Variants in CSTPP1 observed in about 807,000 individuals in gnomAD.
CSTPP1 encodes UPF0705 protein C11orf49.
the CSTPP1 span, among the ~76,000 whole-genome samples, chr11:47,163,299 C>T: frequency 1.3e-4 from 20 of 152,154 alleles, no homozygotes; most frequent in Admixed American, 6.5e-4. Context: ...AGCCTACTGA[C>T]GATGCAAATT....
chr11:47,083,349 A>G, the CSTPP1 span, among the ~76,000 whole-genome samples: 1 of 152,146 alleles, frequency 6.6e-6, no homozygotes, highest in Non-Finnish European at 1.5e-5. Context: ...CTATCCATTC[A>G]TCCATTGATA....
chr11:47,140,720 A>G, the CSTPP1 span, among the ~76,000 whole-genome samples: 3 of 149,260 alleles, frequency 2.0e-5, no homozygotes, highest in Non-Finnish European at 3.0e-5. Context: ...GATTACAGGC[A>G]TGAGCCACCA....
chr11:47,124,840 AG>A, the CSTPP1 span, among the ~76,000 whole-genome samples: 1 of 152,192 alleles, frequency 6.6e-6, no homozygotes, highest in African/African-American at 2.4e-5. Flanking sequence ...TCTCAGTGAA[AG>A]ATAAGGATCA....
the CSTPP1 span, among the ~76,000 whole-genome samples, chr11:46,958,901 TG>T: frequency 8.5e-5 from 13 of 152,160 alleles, no homozygotes; most frequent in Non-Finnish European, 1.5e-4. Flanking sequence ...GGGCCCTCAT[TG>T]GGTTAGATGG....
the CSTPP1 span, among the ~76,000 whole-genome samples, chr11:47,022,813 C>T: frequency 8.8e-4 from 134 of 152,236 alleles, no homozygotes; most frequent in African/African-American, 3.2e-3. Flanking sequence ...AGATAGTCCC[C>T]GAATGTGCCA....
chr11:47,000,686 T>C, the CSTPP1 span, among the ~76,000 whole-genome samples: 2 of 152,178 alleles, frequency 1.3e-5, no homozygotes, highest in African/African-American at 4.8e-5. Flanking sequence ...TGTGCCTGTG[T>C]GTACTATGCA....
At chr11:47,148,061 G>A in the CSTPP1 span, among the ~76,000 whole-genome samples, 1 of 152,154 alleles carries the variant, frequency 6.6e-6, no homozygotes, top group African/African-American at 2.4e-5. Flanking sequence ...CAAGGCCCTA[G>A]GCTAGAGGCA....
the CSTPP1 span, among the ~76,000 whole-genome samples, chr11:47,025,241 G>C: frequency 6.6e-6 from 1 of 152,116 alleles, no homozygotes; most frequent in Non-Finnish European, 1.5e-5. Flanking sequence ...TTTCTAAAAA[G>C]TGAGACCAAC....
chr11:47,106,586 T>G, the CSTPP1 span, among the ~76,000 whole-genome samples: 1 of 150,786 alleles, frequency 6.6e-6, no homozygotes, highest in Admixed American at 6.6e-5. Context: ...GAGGTTGCAG[T>G]GAGCCAAGAT....
At chr11:47,011,920 T>C in the CSTPP1 span, among the ~76,000 whole-genome samples, 1 of 152,106 alleles carries the variant, frequency 6.6e-6, no homozygotes, top group Non-Finnish European at 1.5e-5. Context: ...ACCCTAGACA[T>C]GTAATAAATA....
the CSTPP1 span, among the ~76,000 whole-genome samples, chr11:47,150,664 GCAGGGAGCATCATGGGTAGAAGGGA>G: frequency 2.4e-3 from 369 of 152,264 alleles, 1 homozygote; most frequent in African/African-American, 8.0e-3. Flanking sequence ...GGCATGGAGG[GCAGGGAGCATCATGGGTAGAAGGGA>G]CAGGGAGCAT....
At chr11:47,017,998 T>C in the CSTPP1 span, among the ~76,000 whole-genome samples, 2 of 152,302 alleles carry the variant, frequency 1.3e-5, no homozygotes, top group Admixed American at 1.3e-4. Flanking sequence ...TGAGATTAGC[T>C]TTTTTCACTC....
the CSTPP1 span, among the ~76,000 whole-genome samples, chr11:47,096,940 C>T: frequency 1.3e-5 from 2 of 152,242 alleles, no homozygotes; most frequent in African/African-American, 4.8e-5. Context: ...TTCAGATCCT[C>T]TGTCCACAAG....
the CSTPP1 span, among the ~76,000 whole-genome samples, chr11:47,009,376 G>A: frequency 6.6e-6 from 1 of 152,140 alleles, no homozygotes; most frequent in South Asian, 2.1e-4. Flanking sequence ...ATCATACACT[G>A]CAAGGGATCA....
chr11:47,074,560 G>A, the CSTPP1 span, among the ~76,000 whole-genome samples: 1 of 151,544 alleles, frequency 6.6e-6, no homozygotes, highest in Non-Finnish European at 1.5e-5. Flanking sequence ...GGGGAAGGGG[G>A]GAAATTTTCT....
chr11:47,106,199 T>C, the CSTPP1 span, among the ~76,000 whole-genome samples: 1 of 152,176 alleles, frequency 6.6e-6, no homozygotes, highest in South Asian at 2.1e-4. Flanking sequence ...CTCAATTACA[T>C]TGTTTCAACA....
the CSTPP1 span, among the ~76,000 whole-genome samples, chr11:46,981,602 T>C: frequency 5.3e-4 from 80 of 152,202 alleles, no homozygotes; most frequent in African/African-American, 1.9e-3. Flanking sequence ...GGGCACTTTG[T>C]AGGTTTTTGG....
the CSTPP1 span, among the ~76,000 whole-genome samples, chr11:46,955,779 G>A: frequency 2.0e-5 from 3 of 150,290 alleles, no homozygotes; most frequent in African/African-American, 7.3e-5. Context: ...ATCACCTGAG[G>A]TCAGGAGTTC....
chr11:47,099,007 G>A, the CSTPP1 span, among the ~76,000 whole-genome samples: 1 of 151,552 alleles, frequency 6.6e-6, no homozygotes, highest in East Asian at 1.9e-4. Flanking sequence ...TGGGACTGAC[G>A]GGTCTTGCTA....
Sources: allele counts gnomAD v4.1 joint callset (sites outside exome capture counted in the v4.1 genomes callset), GRCh38; gene constraint gnomAD v4.1.1; transcripts MANE v1.5; gene names NCBI Gene and HGNC (gene_info 2026-07-23, HGNC 2026-07-21).